The following KCNK3 variants were observed in gnomAD, a reference collection of about 807,000 sequenced individuals.
The protein encoded by KCNK3 is potassium channel subfamily K member 3.
KCNK3 carries 9 observed loss-of-function variants against 27.3 expected under a neutral mutation model. That is an observed-to-expected ratio of 0.33 (90% CI 0.20 to 0.57). The LOEUF is 0.57. Ranked by LOEUF, KCNK3 falls within the 20% of genes least tolerant of loss-of-function variation. The pLI is 0.87. For missense variants in KCNK3, 391 were observed against 577.7 expected, an observed-to-expected ratio of 0.68 and a Z score of 3.31; for synonymous variants, 278 against 273.8, an observed-to-expected ratio of 1.02 and a Z score of -0.15.
intron 1 of KCNK3, among the ~76,000 whole-genome samples, chr2:26,708,962 G>A (rs1004851365): frequency 2.0e-5 from 3 of 152,210 alleles, no homozygotes; most frequent in African/African-American, 7.2e-5. Context: ...ATTGAGCTAT[G>A]TTTGAGAGGC....
At chr2:26,701,221 G>GACCA (rs1670304032) in intron 1 of KCNK3, among the ~76,000 whole-genome samples, 3 of 152,204 alleles carry the variant, frequency 2.0e-5, no homozygotes, top group African/African-American at 7.2e-5. Flanking sequence ...AAAGACCTTG[G>GACCA]GAATCTGGTG....
intron 1 of KCNK3, among the ~76,000 whole-genome samples, chr2:26,714,077 G>GAA (rs753616991): frequency 2.2e-5 from 3 of 137,016 alleles, no homozygotes; most frequent in African/African-American, 5.4e-5. Flanking sequence ...CCTCTGTCTT[G>GAA]AAAAAAAAAA....
intron 1 of KCNK3, among the ~76,000 whole-genome samples, chr2:26,709,214 T>G (rs1034386556): frequency 6.6e-6 from 1 of 152,174 alleles, no homozygotes; most frequent in Admixed American, 6.5e-5. Context: ...TGAAGGCAGT[T>G]AGACAGATAA....
At chr2:26,726,878 C>T (rs139295264) in intron 1 of KCNK3, among the ~76,000 whole-genome samples, 51 of 152,280 alleles carry the variant, frequency 3.3e-4, no homozygotes, top group African/African-American at 8.4e-4. Context: ...GGTAACACCA[C>T]CTCCCCATGA....
At position 26,693,275 on chromosome 2, in the gene KCNK3, A is replaced by G; in HGVS notation, c.283+117A>G. The G allele has an allele frequency of 9.6e-7, 1 of 1,037,146 alleles. No individual in the cohort carries two copies. 64.2% of individuals were successfully genotyped at this position (1,037,146 alleles called of 1,614,324 possible). On this transcript the variant is annotated intron_variant, in intron 1 of 1. Coordinates refer to ENST00000302909, the MANE Select transcript of KCNK3 (RefSeq NM_002246.3). The surrounding 1 kb of genome is among the most constrained non-coding windows in gnomAD (Gnocchi z 5.5). ...TCCCCCGAGAGGGGCTGGGCGCCGA[A>G]CCCTGCGCTCGCAGAAACCCGAGTT...
At chr2:26,702,703 C>G (rs2148257124) in intron 1 of KCNK3, among the ~76,000 whole-genome samples, 1 of 152,236 alleles carries the variant, frequency 6.6e-6, no homozygotes, top group East Asian at 1.9e-4. Flanking sequence ...AGCCAGGGTT[C>G]CACCACAGAA....
At chr2:26,723,701 G>A (rs1055433485) in intron 1 of KCNK3, among the ~76,000 whole-genome samples, 6 of 152,206 alleles carry the variant, frequency 3.9e-5, no homozygotes, top group East Asian at 1.9e-4. Context: ...TCATCTGTAC[G>A]ATGTAAAGAC....
At chr2:26,705,616 C>T (rs931136710) in intron 1 of KCNK3, among the ~76,000 whole-genome samples, 2 of 152,068 alleles carry the variant, frequency 1.3e-5, no homozygotes, top group Admixed American at 6.5e-5. Flanking sequence ...AGGTCATTCC[C>T]GTAGTAGGGA....
At chr2:26,714,069 T>G (rs1338610600) in intron 1 of KCNK3, among the ~76,000 whole-genome samples, 1 of 150,114 alleles carries the variant, frequency 6.7e-6, no homozygotes, top group African/African-American at 2.5e-5. Context: ...GTGCAAAACC[T>G]CTGTCTTGAA....
intron 1 of KCNK3, among the ~76,000 whole-genome samples, chr2:26,725,796 C>G (rs137886947): frequency 6.6e-6 from 1 of 152,292 alleles, no homozygotes; most frequent in East Asian, 1.9e-4. Flanking sequence ...CCCAGAGCTC[C>G]TTGAGCTTTA....
At chr2:26,694,979 C>T (rs1013401975) in intron 1 of KCNK3, among the ~76,000 whole-genome samples, 2 of 152,142 alleles carry the variant, frequency 1.3e-5, no homozygotes, top group Non-Finnish European at 2.9e-5. Flanking sequence ...AAGAAAAACT[C>T]AGCTGTCACC....
chr2:26,720,907 C>T (rs1266786526), intron 1 of KCNK3, among the ~76,000 whole-genome samples: 1 of 152,158 alleles, frequency 6.6e-6, no homozygotes, highest in Non-Finnish European at 1.5e-5. Flanking sequence ...CCATGAGACC[C>T]GGTGGTTCCC....
intron 1 of KCNK3, among the ~76,000 whole-genome samples, chr2:26,719,531 G>C (rs1253044169): frequency 6.6e-6 from 1 of 152,156 alleles, no homozygotes; most frequent in African/African-American, 2.4e-5. Flanking sequence ...TTCGGCTTCT[G>C]TCTTAAATCC....
intron 1 of KCNK3, among the ~76,000 whole-genome samples, chr2:26,712,653 G>T (rs888426433): frequency 6.9e-6 from 1 of 145,350 alleles, no homozygotes; most frequent in Admixed American, 7.1e-5. Context: ...GTAGGGGAGA[G>T]GCTGGGTGTT....
Position 26,728,478 on chromosome 2 carries a change from G to A in KCNK3, c.1095G>A (p.Gly365=). The A allele has an allele frequency of 1.9e-6, 3 of 1,549,718 alleles. No homozygotes were observed. The highest frequency in any genetic ancestry group is 2.6e-6 in the Non-Finnish European group (3 of 1,145,240). ...DTPSRRCLCS[G]APRSAISSVS... Reference sequence around the variant, plus strand: ...CCTCGCGACGCTGCCTGTGCAGCGGGGCGCCACGCTCCGCCATCAGCTCGG... The same window carrying A: ...CCTCGCGACGCTGCCTGTGCAGCGGAGCGCCACGCTCCGCCATCAGCTCGG... The change falls in exon 2 of 2, where the codon GGG becomes GGA. Residue 365 remains glycine (G), a synonymous_variant. Transcript: ENST00000302909.
chr2:26,704,743 G>A (rs1258437343), intron 1 of KCNK3, among the ~76,000 whole-genome samples: 2 of 152,234 alleles, frequency 1.3e-5, no homozygotes, highest in Admixed American at 6.5e-5. Context: ...ACAGTTCCAG[G>A]CAGGGCAAGC....
At chr2:26,719,401 T>C (rs747498129) in intron 1 of KCNK3, among the ~76,000 whole-genome samples, 15 of 152,142 alleles carry the variant, frequency 9.9e-5, no homozygotes, top group Non-Finnish European at 2.2e-4. Context: ...CTTGCCTCAG[T>C]AGCTCCCCTC....
At chr2:26,704,555 C>A (rs1357336953) in intron 1 of KCNK3, among the ~76,000 whole-genome samples, 2 of 152,192 alleles carry the variant, frequency 1.3e-5, no homozygotes, top group African/African-American at 4.8e-5. Flanking sequence ...AGCCCTCCAG[C>A]CATAGGACCA....
intron 1 of KCNK3, among the ~76,000 whole-genome samples, chr2:26,701,678 A>G (rs1392453703): frequency 1.3e-5 from 2 of 152,250 alleles, no homozygotes; most frequent in Non-Finnish European, 2.9e-5. Context: ...GCAGTGGCTC[A>G]TGCCTGTGAT....
Sources: allele counts gnomAD v4.1 joint callset (sites outside exome capture counted in the v4.1 genomes callset), GRCh38; gene constraint gnomAD v4.1.1; non-coding constraint Gnocchi (gnomAD v3.1); transcripts MANE v1.5; gene names NCBI Gene and HGNC (gene_info 2026-07-23, HGNC 2026-07-21).